Variants in LMO3 observed in about 807,000 individuals in gnomAD.
LMO3 encodes LIM domain only protein 3.
LMO3 carries 2 observed loss-of-function variants against 15.8 expected under a neutral mutation model. The ratio of observed to expected loss-of-function variants is 0.13; its 90% confidence interval spans 0.05 to 0.40. The LOEUF (loss-of-function observed/expected upper bound fraction) is 0.40, where lower values mean the gene tolerates loss of function less well. LMO3 is among the 10% of genes least tolerant of loss of function. The pLI is 0.99. For synonymous variants in LMO3, 62 were observed against 63.8 expected (o/e 0.97, Z 0.13); for missense variants, 86 against 182.2 (o/e 0.47, Z 3.04).
In LMO3 at chr12:16,589,229, T is replaced by A. The variant is rs1176880264; in HGVS notation, c.206+11426A>T. On this transcript the variant is annotated intron_variant, in intron 2 of 3. Transcript: ENST00000537304. The surrounding 1 kb of genome is among the most constrained non-coding windows in gnomAD (Gnocchi z 4.2). The stretch of plus-strand genomic sequence containing the variant: ...ATGAAGTGATATTCACAGAAGATTA[T>A]AACAACAGTAGATGAATGCATCCTA... Among the ~76,000 whole-genome samples, 1 of 152,102 alleles carries A rather than the reference T, an allele frequency of 6.6e-6. No homozygotes were observed. The highest frequency in any genetic ancestry group is 1.5e-5 in the Non-Finnish European group (1 of 67,998).
intron 2 of LMO3, among the ~76,000 whole-genome samples, chr12:16,568,380 G>A (rs1473280141): frequency 6.6e-6 from 1 of 152,138 alleles, no homozygotes; most frequent in East Asian, 1.9e-4. Flanking sequence ...TACTCTGGAT[G>A]TGGATCTTTC....
In LMO3 at chr12:16,584,486, G is replaced by A. The variant is rs1943256294; in HGVS notation, c.206+16169C>T. Among the ~76,000 whole-genome samples the A allele has an allele frequency of 6.6e-6, 1 of 152,148 alleles. No individual in the cohort carries two copies. Among genetic ancestry groups the A allele is most frequent in the African/African-American group, 2.4e-5 (1 of 41,426 alleles). ...ACATGAGGTTTCTGGAGGACCCAGT[G>A]GAAAAGTGTTGAGTGAACGTAACAG... On this transcript the variant is annotated intron_variant, in intron 2 of 3. Transcript: ENST00000537304. The surrounding 1 kb of genome is among the most constrained non-coding windows in gnomAD (Gnocchi z 5.2).
rs925774758 is a variant in LMO3 at position 16,597,130 on chromosome 12, C to A, written c.206+3525G>T. The stretch of plus-strand genomic sequence containing the variant: ...CAAATTCTGTCTCATCAGATATGTA[C>A]ATTTTATGTTCCACAGCTAAATGAA... On this transcript the variant is annotated intron_variant, in intron 2 of 3. Coordinates refer to ENST00000537304, the MANE Select transcript of LMO3 (RefSeq NM_018640.5). The surrounding 1 kb of genome is among the most constrained non-coding windows in gnomAD (Gnocchi z 5.0). Among the ~76,000 whole-genome samples, 2 of 151,656 alleles carry A rather than the reference C, an allele frequency of 1.3e-5. No homozygotes were observed. The highest frequency in any genetic ancestry group is 3.0e-5 in the Non-Finnish European group (2 of 67,690).
Position 16,551,012 on chromosome 12 carries a change from T to C in LMO3, c.*210A>G. On this transcript the variant is annotated 3_prime_UTR_variant, in exon 4 of 4. Transcript: ENST00000537304. ...CAAAAAAATCCAGCCATATGTACAT[T>C]ACTTTTTTCTTTAATAATAAACATT... 6 of 483,148 alleles carry C rather than the reference T, an allele frequency of 1.2e-5. No homozygotes were observed. The highest frequency in any genetic ancestry group is 2.2e-5 in the Non-Finnish European group (6 of 269,526). 29.9% of individuals were successfully genotyped at this position (483,148 alleles called of 1,614,324 possible).
In LMO3 at chr12:16,549,062, A is replaced by G. The variant is rs1409322244; in HGVS notation, c.*2160T>C. The G allele has an allele frequency of 1.3e-5, 2 of 152,156 alleles. No homozygotes were observed. The highest frequency in any genetic ancestry group is 4.8e-5 in the African/African-American group (2 of 41,442). The allele number at this position is 152,156 out of a possible 1,614,324, so 9.4% of individuals were successfully genotyped here. ...AGCAAAACCAGTTAAACCTTAAAAG[A>G]TCATCTGAATAAGATCCTGACAATT... On this transcript the variant is annotated 3_prime_UTR_variant, in exon 4 of 4. Transcript: ENST00000537304.
chr12:16,594,064 G>A, intron 2 of LMO3: 5 of 1,344,124 alleles, frequency 3.7e-6, no homozygotes, highest in Non-Finnish European at 5.1e-6. Flanking sequence ...AAGAATAGAT[G>A]AGTGCTATAG....
rs181637663 is a variant in LMO3 at position 16,568,084 on chromosome 12, A to G, written c.207-7546T>C. Reference sequence around the variant, plus strand: ...ACACTGGCAACAATAGAAAATAAAAAGGAATACTAAAGGTGAGGAAAGAGA... The same window carrying G: ...ACACTGGCAACAATAGAAAATAAAAGGGAATACTAAAGGTGAGGAAAGAGA... On this transcript the variant is annotated intron_variant, in intron 2 of 3. Coordinates refer to ENST00000537304, the MANE Select transcript of LMO3 (RefSeq NM_018640.5). 8.7e-3 allele frequency among the ~76,000 whole-genome samples: 1,326 copies of G among 152,326 alleles called. 14 individuals are homozygous for G. Among genetic ancestry groups the G allele is most frequent in the Middle Eastern group, 0.037 (11 of 294 alleles).
chr12:16,563,057 C>G (rs1389499130), intron 2 of LMO3, among the ~76,000 whole-genome samples: 1 of 152,198 alleles, frequency 6.6e-6, no homozygotes, highest in Non-Finnish European at 1.5e-5. Flanking sequence ...CACGCACTTT[C>G]CCTGCCTCGC....
chr12:16,600,577 C>G, intron 2 of LMO3, 78 bp downstream of exon 2: 3 of 1,282,432 alleles, frequency 2.3e-6, no homozygotes, highest in Non-Finnish European at 2.2e-6. Flanking sequence ...GGAAATGAAA[C>G]AAGCAAACAA....
intron 2 of LMO3, among the ~76,000 whole-genome samples, chr12:16,575,596 A>T (rs1252769326): frequency 6.6e-6 from 1 of 152,126 alleles, no homozygotes; most frequent in Non-Finnish European, 1.5e-5. Flanking sequence ...TTATTCATCC[A>T]TTTTATGGAT....
rs1331196052 is a variant in LMO3 at position 16,604,401 on chromosome 12, C to G, written c.-9+1665G>C. 6.6e-6 allele frequency among the ~76,000 whole-genome samples: 1 copy of G among 151,734 alleles called. No individual in the cohort carries two copies. Among genetic ancestry groups the G allele is most frequent in the Non-Finnish European group, 1.5e-5 (1 of 67,942 alleles). ...AATGGAGCTGGGAACCAATTTGATT[C>G]CCTTTTTCTCCAATGCAGCTGCAAG... On this transcript the variant is annotated intron_variant, in intron 1 of 3. Coordinates refer to ENST00000537304, the MANE Select transcript of LMO3 (RefSeq NM_018640.5). This position sits in a 1 kb window ranked among gnomAD's most constrained non-coding sequence, Gnocchi z 5.3.
chr12:16,574,416 G>C (rs1376426073), intron 2 of LMO3, among the ~76,000 whole-genome samples: 1 of 152,058 alleles, frequency 6.6e-6, no homozygotes, highest in Non-Finnish European at 1.5e-5. Flanking sequence ...CGGATTTGCT[G>C]CTCTCCAACC....
At position 16,560,757 on chromosome 12, in the gene LMO3, G is replaced by A; in HGVS notation, c.207-219C>T. On this transcript the variant is annotated intron_variant, in intron 2 of 3. Transcript: ENST00000537304. The surrounding 1 kb of genome is among the most constrained non-coding windows in gnomAD (Gnocchi z 5.0). Reference sequence around the variant, plus strand: ...AATCACATCTTGTTTGAGAAGAAAAGGAAAAGACAAATACATTAGGAAGCT... The same window carrying A: ...AATCACATCTTGTTTGAGAAGAAAAAGAAAAGACAAATACATTAGGAAGCT... The A allele has an allele frequency of 5.2e-6, 3 of 572,990 alleles. No individual in the cohort carries two copies. The highest frequency in any genetic ancestry group is 3.7e-5 in the East Asian group (1 of 27,386). 35.5% of individuals were successfully genotyped at this position (572,990 alleles called of 1,614,324 possible).
chr12:16,574,096 A>G (rs966913400), intron 2 of LMO3, among the ~76,000 whole-genome samples: 6 of 151,930 alleles, frequency 3.9e-5, no homozygotes, highest in East Asian at 1.9e-4. Flanking sequence ...TGGAAAACCA[A>G]CCTTCCTCCA....
chr12:16,601,625 C>A (rs1943827723), intron 1 of LMO3, among the ~76,000 whole-genome samples: 1 of 151,698 alleles, frequency 6.6e-6, no homozygotes, highest in Non-Finnish European at 1.5e-5. Context: ...CATAAACATG[C>A]AATTATTTGT....
rs540758026 is a variant in LMO3 at position 16,585,274 on chromosome 12, ATC to A, written c.206+15379_206+15380del. Among the ~76,000 whole-genome samples the A allele has an allele frequency of 0.013, 1,933 of 152,322 alleles. 47 individuals are homozygous for A. The highest frequency in any genetic ancestry group is 0.044 in the African/African-American group (1,842 of 41,558). On this transcript the variant is annotated intron_variant, in intron 2 of 3. Transcript: ENST00000537304. The surrounding 1 kb of genome is among the most constrained non-coding windows in gnomAD (Gnocchi z 4.7). ...CAGCCTATTTTATTTACATTCAAGT[ATC>A]ATGGTAGAAAACAAGTTATTGATTA...
intron 1 of LMO3, 137 bp downstream of exon 1, chr12:16,605,929 G>T: frequency 9.0e-7 from 1 of 1,106,414 alleles, no homozygotes; most frequent in African/African-American, 1.6e-5. Flanking sequence ...GCGGAGCTGG[G>T]TTGCAGCTCC....
chr12:16,606,575 C>G (rs1045903788), upstream of LMO3: 4 of 151,918 alleles, frequency 2.6e-5, no homozygotes, highest in African/African-American at 9.7e-5. Context: ...CTCCCTCTCT[C>G]GCTGGCTCCC....
At chr12:16,606,882 A>G (rs891432144), upstream of LMO3, 6 of 152,190 alleles carry the variant, frequency 3.9e-5, no homozygotes, top group African/African-American at 1.2e-4. Context: ...TAGGGTTCCT[A>G]AAATAACCAG....
Sources: gnomAD v4.1 joint callset for allele counts (sites outside exome capture counted in the v4.1 genomes callset) on GRCh38, gnomAD v4.1.1 for gene constraint, Gnocchi (gnomAD v3.1) non-coding constraint, MANE v1.5 for transcripts, NCBI Gene and HGNC (gene_info 2026-07-23, HGNC 2026-07-21) for gene names.